ALMS1: variants seen among roughly 807,000 people sequenced by gnomAD.
ALMS1 encodes the protein ALMS1 centrosome and basal body associated protein.
Under a neutral mutation model 352.2 loss-of-function variants are expected in ALMS1, and 271 were observed. The observed-to-expected ratio is 0.77, with a 90% CI of 0.70 to 0.85. The LOEUF is 0.85. Among genes scored for constraint, ALMS1 ranks in the 40% least tolerant of loss-of-function variants. The pLI is 0.00. For missense variants in ALMS1, 5,445 were observed against 4,870.7 expected, an observed-to-expected ratio of 1.12 and a Z score of -3.51; for synonymous variants, 1,865 against 1,761.2, an observed-to-expected ratio of 1.06 and a Z score of -1.48.
At chr2:73,402,878 G>C (rs1670899947) in intron 1 of ALMS1, among the ~76,000 whole-genome samples, 1 of 151,902 alleles carries the variant, frequency 6.6e-6, no homozygotes, top group African/African-American at 2.4e-5. Flanking sequence ...TCTAAAATTA[G>C]GTTGTTTGTT....
chr2:73,575,349 T>C (rs1375586571), intron 16 of ALMS1, among the ~76,000 whole-genome samples: 1 of 152,210 alleles, frequency 6.6e-6, no homozygotes, highest in Non-Finnish European at 1.5e-5. Context: ...GTACCTGCAC[T>C]ATTTTGCATT....
intron 1 of ALMS1, among the ~76,000 whole-genome samples, chr2:73,399,848 A>T (rs1670836882): frequency 6.6e-6 from 1 of 151,942 alleles, no homozygotes; most frequent in Non-Finnish European, 1.5e-5. Flanking sequence ...AATATCGTGA[A>T]GAGGTTGTCA....
rs1671999816 is a variant in ALMS1, at chr2:73,453,727, G to A, written c.7200G>A (p.Gly2400=). 1 of 1,613,950 alleles carries A rather than the reference G, an allele frequency of 6.2e-7. No homozygotes were observed. The highest frequency in any genetic ancestry group is 1.7e-5 in the Admixed American group (1 of 59,978). ...SEPEGCSGTI[G]NKIIIPMMTV... ...CTGAAGGGTGTAGTGGAACCATTGG[G>A]AATAAAATTATTATCCCTATGATGA... Residue 2400 remains glycine (G), a synonymous_variant, in exon 8 of 23, where the codon GGG becomes GGA. Transcript: ENST00000613296.
chr2:73,460,742 A>C (rs1013148978), intron 9 of ALMS1, among the ~76,000 whole-genome samples: 1 of 152,220 alleles, frequency 6.6e-6, no homozygotes, highest in East Asian at 1.9e-4. Context: ...TCCCACACTA[A>C]TACTGCGCTT....
At chr2:73,491,559 C>G in intron 10 of ALMS1, 61 bp downstream of exon 10, 1 of 1,559,724 alleles carries the variant, frequency 6.4e-7, no homozygotes, top group Non-Finnish European at 8.8e-7. Flanking sequence ...GTTTCAAATA[C>G]TTAAGTAGAT....
intron 16 of ALMS1, among the ~76,000 whole-genome samples, chr2:73,582,511 A>G (rs552447637): frequency 1.3e-5 from 2 of 151,110 alleles, no homozygotes; most frequent in East Asian, 3.9e-4. Context: ...CTCTATACCC[A>G]TTGAACAACA....
At chr2:73,385,829 C>A (rs756389923), upstream of ALMS1, 15 of 443,890 alleles carry the variant, frequency 3.4e-5, no homozygotes, top group African/African-American at 6.2e-5. Flanking sequence ...TCCCTCCCCC[C>A]CTCCTCCTCC....
rs2103882020 is a variant in ALMS1, at chr2:73,486,863, A to C, written c.7675-2771A>C. Among the ~76,000 whole-genome samples, 2 of 152,274 alleles carry C rather than the reference A, an allele frequency of 1.3e-5. 1 individual carries two copies. Among genetic ancestry groups the C allele is most frequent in the Admixed American group, 1.3e-4 (2 of 15,290 alleles). On this transcript the variant is annotated intron_variant, in intron 9 of 22. Coordinates refer to ENST00000613296, the MANE Select transcript of ALMS1 (RefSeq NM_001378454.1). The stretch of plus-strand genomic sequence containing the variant: ...CCAGGAGTTGGAGACCAGCCTGGGC[A>C]ACAAAGTGAGACCCAGTCTCTACAA...
chr2:73,591,400 T>C, intron 16 of ALMS1, among the ~76,000 whole-genome samples: 1 of 152,328 alleles, frequency 6.6e-6, no homozygotes. Flanking sequence ...TAAAGTAATG[T>C]CAATAAATTA....
chr2:73,549,466 C>T (rs1674385287), intron 12 of ALMS1, among the ~76,000 whole-genome samples: 1 of 152,024 alleles, frequency 6.6e-6, no homozygotes, highest in African/African-American at 2.4e-5. Context: ...TGAATTTTGT[C>T]CCAAACAACT....
chr2:73,392,534 CAACTATT>C (rs1670672148), intron 1 of ALMS1, among the ~76,000 whole-genome samples: 1 of 152,124 alleles, frequency 6.6e-6, no homozygotes, highest in African/African-American at 2.4e-5. Flanking sequence ...TCCCCATATG[CAACTATT>C]AATCTACCTT....
rs559549997 is a variant in ALMS1 at position 73,443,189 on chromosome 2, T to C, written c.1433-4771T>C. Among the ~76,000 whole-genome samples, 131 of 152,344 alleles carry C rather than the reference T, an allele frequency of 8.6e-4. 1 individual carries two copies. The highest frequency in any genetic ancestry group is 2.9e-3 in the African/African-American group (122 of 41,586). On this transcript the variant is annotated intron_variant, in intron 7 of 22. Coordinates refer to ENST00000613296, the MANE Select transcript of ALMS1 (RefSeq NM_001378454.1). Reference sequence around the variant, plus strand: ...AATGTCACTTCCTAGTTTGGAGTTCTTGCTTTCCATTGTTAACCTTGGGGT... The same window carrying C: ...AATGTCACTTCCTAGTTTGGAGTTCCTGCTTTCCATTGTTAACCTTGGGGT...
intron 3 of ALMS1, among the ~76,000 whole-genome samples, chr2:73,422,330 A>G (rs1354892172): frequency 1.3e-5 from 2 of 152,112 alleles, no homozygotes; most frequent in African/African-American, 4.8e-5. Flanking sequence ...ATGGGAGTGA[A>G]TAAGGCATAT....
rs188787529 is a variant in ALMS1 at position 73,605,261 on chromosome 2, T to A, written c.12362+1957T>A. ...GAAATCTAGAAAACTTGTATTCACCTCCATGGGCTTGATGACCTCTTAGTA... is the reference window on the plus strand; with the variant it reads ...GAAATCTAGAAAACTTGTATTCACCACCATGGGCTTGATGACCTCTTAGTA... On this transcript the variant is annotated intron_variant, in intron 21 of 22. Transcript: ENST00000613296. 9.8e-4 allele frequency among the ~76,000 whole-genome samples: 149 copies of A among 152,268 alleles called. 1 individual carries two copies. Among genetic ancestry groups the A allele is most frequent in the African/African-American group, 2.9e-3 (119 of 41,520 alleles).
chr2:73,449,630 C>G lies in ALMS1; in HGVS notation c.3103C>G (p.Pro1035Ala), dbSNP rs531648685. The change falls in exon 8 of 23, where the codon CCA becomes GCA. Residue 1035 changes from proline (P) to alanine (A), a missense_variant. By Grantham distance (27) the Pro-to-Ala change is conservative. Transcript: ENST00000613296. ...KALKVSTGPG[P>A]ADQKTEIPAV... The stretch of plus-strand genomic sequence containing the variant: ...TCTGAAAGTTTCAACTGGCCCTGGA[C>G]CAGCTGACCAGAAGACTGAGATACC... The G allele has an allele frequency of 3.1e-6, 5 of 1,613,946 alleles. No homozygotes were observed. The highest frequency in any genetic ancestry group is 3.3e-5 in the Admixed American group (2 of 59,992).
At chr2:73,550,778 G>C (rs1674413220) in intron 13 of ALMS1, among the ~76,000 whole-genome samples, 1 of 151,934 alleles carries the variant, frequency 6.6e-6, no homozygotes, top group Non-Finnish European at 1.5e-5. Context: ...ATCTCTGTCA[G>C]ATATTACAAA....
chr2:73,390,917 C>G (rs1296312864), intron 1 of ALMS1, among the ~76,000 whole-genome samples: 1 of 152,036 alleles, frequency 6.6e-6, no homozygotes, highest in South Asian at 2.1e-4. Flanking sequence ...ACTACAGATG[C>G]GCGCCACCAT....
At chr2:73,554,609 A>T (rs1056287376) in intron 13 of ALMS1, among the ~76,000 whole-genome samples, 1 of 151,732 alleles carries the variant, frequency 6.6e-6, no homozygotes, top group Non-Finnish European at 1.5e-5. Context: ...GCTACTCAGG[A>T]GGCTGATGTA....
chr2:73,564,222 T>C (rs933838975), intron 15 of ALMS1, among the ~76,000 whole-genome samples: 2 of 152,100 alleles, frequency 1.3e-5, no homozygotes, highest in Admixed American at 1.3e-4. Flanking sequence ...TCCCAGCACT[T>C]TGGGAAGCTA....
Sources: allele counts gnomAD v4.1 joint callset (sites outside exome capture counted in the v4.1 genomes callset), GRCh38; gene constraint gnomAD v4.1.1; transcripts MANE v1.5; gene names NCBI Gene and HGNC (gene_info 2026-07-23, HGNC 2026-07-21).